Variants in STPG2 observed in about 807,000 individuals in gnomAD.
STPG2 encodes sperm tail PG-rich repeat containing 2.
A neutral mutation model predicts 54.2 loss-of-function variants in STPG2; 56 were observed. The observed-to-expected ratio is 1.03, with a 90% CI of 0.83 to 1.29. STPG2 has a LOEUF of 1.29. Ranked by LOEUF, STPG2 falls within the 50% of genes most tolerant of loss-of-function variation. The pLI is 0.00. For missense variants in STPG2, 596 were observed against 544.9 expected (o/e 1.09, Z -0.93); for synonymous variants, 200 against 181.8 (o/e 1.10, Z -0.81).
chr4:97,860,534 C>A (rs980177051), intron 8 of STPG2, among the ~76,000 whole-genome samples: 1 of 139,684 alleles, frequency 7.2e-6, no homozygotes, highest in Non-Finnish European at 1.6e-5. Context: ...TATTTTATTG[C>A]AACTGTTGTA....
intron 8 of STPG2, among the ~76,000 whole-genome samples, chr4:97,918,146 A>T (rs62320963): frequency 6.6e-6 from 1 of 151,450 alleles, no homozygotes; most frequent in East Asian, 1.9e-4. Context: ...TATTCATAAA[A>T]GACTTATTAG....
intron 4 of STPG2, among the ~76,000 whole-genome samples, chr4:97,472,323 C>T (rs757342979): frequency 9.8e-5 from 15 of 152,318 alleles, no homozygotes; most frequent in African/African-American, 1.2e-4. Context: ...TCCAGGGAGA[C>T]GCAGTCAGTG....
intron 4 of STPG2, among the ~76,000 whole-genome samples, chr4:97,459,565 C>A (rs1467721874): frequency 2.0e-5 from 3 of 151,668 alleles, no homozygotes; most frequent in East Asian, 1.9e-4. Context: ...TCAGCCTCCC[C>A]AGTAGCTGGG....
At chr4:97,904,074 A>C (rs1256385122) in intron 8 of STPG2, among the ~76,000 whole-genome samples, 6 of 152,198 alleles carry the variant, frequency 3.9e-5, no homozygotes, top group African/African-American at 1.4e-4. Context: ...GCAGCTGGAA[A>C]GCTCGAACTG....
intron 7 of STPG2, among the ~76,000 whole-genome samples, chr4:97,966,270 T>A (rs1169010136): frequency 1.3e-5 from 2 of 152,034 alleles, no homozygotes; most frequent in African/African-American, 4.8e-5. Context: ...ATCAAAAGGG[T>A]ATCAGTGGTT....
At chr4:97,753,155 T>TATCACC (rs1296952560) in intron 9 of STPG2, among the ~76,000 whole-genome samples, 1 of 151,946 alleles carries the variant, frequency 6.6e-6, no homozygotes, top group Non-Finnish European at 1.5e-5. Context: ...AATGTTGTGT[T>TATCACC]ATCACCATCA....
At chr4:98,052,336 C>T (rs1228825838) in intron 5 of STPG2, among the ~76,000 whole-genome samples, 1 of 152,100 alleles carries the variant, frequency 6.6e-6, no homozygotes, top group Non-Finnish European at 1.5e-5. Flanking sequence ...AGCTAATATT[C>T]ACTAACTTTA....
chr4:97,929,835 C>T (rs986924773), intron 8 of STPG2, among the ~76,000 whole-genome samples: 5 of 152,154 alleles, frequency 3.3e-5, no homozygotes, highest in African/African-American at 4.8e-5. Flanking sequence ...TGTCTGCTCA[C>T]TCTGTTGATA....
chr4:97,994,916 T>C (rs1735154893), intron 5 of STPG2, among the ~76,000 whole-genome samples: 1 of 152,008 alleles, frequency 6.6e-6, no homozygotes, highest in Non-Finnish European at 1.5e-5. Flanking sequence ...AGAAAGATCA[T>C]CAGGTTGGGG....
chr4:97,746,295 T>A lies in STPG2; in HGVS notation c.1205-33481A>T, dbSNP rs7696227. Among the ~76,000 whole-genome samples, 1,147 of 151,296 alleles carry A rather than the reference T, an allele frequency of 7.6e-3. 10 individuals carry two copies. The highest frequency in any genetic ancestry group is 9.2e-3 in the Non-Finnish European group (621 of 67,364). Reference sequence around the variant, plus strand: ...AAAACATTAAAAACACAGCTATATATAACTTTGCTGGAATGATATTCATAT... The same window carrying A: ...AAAACATTAAAAACACAGCTATATAAAACTTTGCTGGAATGATATTCATAT... On this transcript the variant is annotated intron_variant, in intron 9 of 10. Coordinates refer to ENST00000295268, the MANE Select transcript of STPG2 (RefSeq NM_174952.3).
At chr4:97,748,858 C>G (rs984945336) in intron 9 of STPG2, among the ~76,000 whole-genome samples, 3 of 151,468 alleles carry the variant, frequency 2.0e-5, no homozygotes, top group Non-Finnish European at 3.0e-5. Context: ...TAGATTTGTA[C>G]AAAAATGGGT....
intron 10 of STPG2, among the ~76,000 whole-genome samples, chr4:97,638,729 A>C (rs1315179464): frequency 2.0e-5 from 3 of 148,200 alleles, no homozygotes; most frequent in African/African-American, 7.8e-5. Flanking sequence ...ATGCAGCCAA[A>C]AAACACATGA....
chr4:97,838,839 A>C (rs752753577), intron 9 of STPG2, among the ~76,000 whole-genome samples: 20 of 151,740 alleles, frequency 1.3e-4, no homozygotes, highest in South Asian at 8.3e-4. Flanking sequence ...ATCAGATAAT[A>C]GCTTCAGAGG....
At chr4:97,492,684 T>C (rs1467439128) in intron 4 of STPG2, among the ~76,000 whole-genome samples, 2 of 150,290 alleles carry the variant, frequency 1.3e-5, no homozygotes, top group Non-Finnish European at 3.0e-5. Flanking sequence ...AATTTGGGGG[T>C]TGGCAGATTT....
chr4:97,890,296 A>C (rs1730718546), intron 8 of STPG2, among the ~76,000 whole-genome samples: 1 of 152,052 alleles, frequency 6.6e-6, no homozygotes, highest in Non-Finnish European at 1.5e-5. Flanking sequence ...ATATCTAAAA[A>C]CTAAAAAACA....
At chr4:97,682,029 C>A (rs376497749) in intron 10 of STPG2, among the ~76,000 whole-genome samples, 1 of 151,824 alleles carries the variant, frequency 6.6e-6, no homozygotes, top group East Asian at 1.9e-4. Flanking sequence ...AGGATCAAAT[C>A]CCCAGTATCT....
intron 7 of STPG2, among the ~76,000 whole-genome samples, chr4:97,969,447 C>A (rs1734240300): frequency 6.6e-6 from 1 of 152,164 alleles, no homozygotes; most frequent in South Asian, 2.1e-4. Context: ...ATAACAAATG[C>A]TGGCATATCC....
rs575543326 is a variant in STPG2, at chr4:97,727,285, T to C, written c.1205-14471A>G. ...ATTAGTTTTATATTTATCTTTCTAA[T>C]ATTTATTTTCCTTAATAAAACCATC... On this transcript the variant is annotated intron_variant, in intron 9 of 10. Transcript: ENST00000295268. 4.5e-4 allele frequency among the ~76,000 whole-genome samples: 68 copies of C among 152,064 alleles called. 1 individual carries two copies. The highest frequency in any genetic ancestry group is 9.3e-4 in the Non-Finnish European group (63 of 67,790).
intron 8 of STPG2, among the ~76,000 whole-genome samples, chr4:97,898,594 AC>A (rs1294282075): frequency 6.6e-6 from 1 of 151,746 alleles, no homozygotes; most frequent in South Asian, 2.1e-4. Flanking sequence ...ACTTCACAGT[AC>A]CCTCAGTAAC....
Sources: gnomAD v4.1 joint callset for allele counts (sites outside exome capture counted in the v4.1 genomes callset) on GRCh38, gnomAD v4.1.1 for gene constraint, MANE v1.5 for transcripts, NCBI Gene and HGNC (gene_info 2026-07-23, HGNC 2026-07-21) for gene names.